Variants in UNC13C observed in about 807,000 individuals in gnomAD.
UNC13C encodes the protein protein unc-13 homolog C.
UNC13C carries 174 observed loss-of-function variants against 245.4 expected under a neutral mutation model. That is an observed-to-expected ratio of 0.71 (90% CI 0.63 to 0.80). The LOEUF (loss-of-function observed/expected upper bound fraction) is 0.80. Among genes scored for constraint, UNC13C ranks in the 30% least tolerant of loss-of-function variants. The pLI is 0.00. For synonymous variants in UNC13C, 992 were observed against 895.1 expected, an observed-to-expected ratio of 1.11 and a Z score of -1.93; for missense variants, 2,829 against 2,602.9, an observed-to-expected ratio of 1.09 and a Z score of -1.89.
the UNC13C span, among the ~76,000 whole-genome samples, chr15:53,965,307 T>C: frequency 6.6e-6 from 1 of 152,142 alleles, no homozygotes; most frequent in East Asian, 1.9e-4. Flanking sequence ...CGTATTAATT[T>C]CAAATCTCAT....
chr15:54,143,080 G>T, intron 3 of UNC13C, 40 bp downstream of exon 3: 2 of 1,581,430 alleles, frequency 1.3e-6, no homozygotes, highest in South Asian at 1.1e-5. Context: ...GAGGAATCTT[G>T]TCTTTTGTAC....
intron 24 of UNC13C, among the ~76,000 whole-genome samples, chr15:54,517,985 C>G (rs1331392333): frequency 6.6e-6 from 1 of 152,094 alleles, no homozygotes; most frequent in African/African-American, 2.4e-5. Flanking sequence ...TAAAAGCAAC[C>G]AGTTATAGCT....
intron 2 of UNC13C, among the ~76,000 whole-genome samples, chr15:54,098,780 T>C (rs1434181211): frequency 6.6e-6 from 1 of 152,204 alleles, no homozygotes; most frequent in African/African-American, 2.4e-5. Context: ...AAAGTCAGTG[T>C]TTTCTTTCTG....
intron 12 of UNC13C, 118 bp downstream of exon 12, chr15:54,298,044 A>C (rs2037481904): frequency 1.4e-6 from 1 of 695,864 alleles, no homozygotes; most frequent in South Asian, 1.9e-5. Flanking sequence ...TGGAGTTCTG[A>C]CTCTATACTA....
chr15:54,337,106 A>T (rs1284359363), intron 16 of UNC13C, among the ~76,000 whole-genome samples: 2 of 152,162 alleles, frequency 1.3e-5, no homozygotes, highest in Non-Finnish European at 2.9e-5. Context: ...TAATTTGTCA[A>T]CATCTCATGT....
intron 22 of UNC13C, among the ~76,000 whole-genome samples, chr15:54,504,945 T>C (rs1198969797): frequency 6.6e-6 from 1 of 152,208 alleles, no homozygotes; most frequent in African/African-American, 2.4e-5. Context: ...TACCTGTGTG[T>C]CAAATCAGAA....
chr15:54,142,952 T>C, intron 2 of UNC13C, 66 bp from the exon 3 acceptor site: 1 of 1,396,906 alleles, frequency 7.2e-7, no homozygotes, highest in South Asian at 1.2e-5. Flanking sequence ...CATGTATATG[T>C]TTAAACAATT....
chr15:54,206,764 T>A (rs1214648817), intron 4 of UNC13C, among the ~76,000 whole-genome samples: 1 of 152,102 alleles, frequency 6.6e-6, no homozygotes, highest in African/African-American at 2.4e-5. Flanking sequence ...TAAGAGTGAA[T>A]GTAAAGAGTC....
chr15:53,849,755 G>T, the UNC13C span, among the ~76,000 whole-genome samples: 1 of 152,004 alleles, frequency 6.6e-6, no homozygotes, highest in African/African-American at 2.4e-5. Context: ...TCATGGAAGG[G>T]CAACCCTTGT....
chr15:54,393,860 C>T (rs1175444611), intron 18 of UNC13C, among the ~76,000 whole-genome samples: 1 of 151,742 alleles, frequency 6.6e-6, no homozygotes, highest in African/African-American at 2.4e-5. Context: ...AGATCCAATC[C>T]AACTTTAATA....
chr15:54,301,693 G>A (rs2037587530), intron 13 of UNC13C, among the ~76,000 whole-genome samples: 1 of 152,118 alleles, frequency 6.6e-6, no homozygotes, highest in Admixed American at 6.5e-5. Flanking sequence ...TATCATTGAT[G>A]GGCATTTGGG....
At chr15:53,900,916 T>A in the UNC13C span, among the ~76,000 whole-genome samples, 3 of 151,930 alleles carry the variant, frequency 2.0e-5, no homozygotes, top group Non-Finnish European at 1.5e-5. Flanking sequence ...CGTACATTCA[T>A]TTTTTTTCCC....
intron 10 of UNC13C, among the ~76,000 whole-genome samples, chr15:54,275,419 C>A (rs1300506147): frequency 6.6e-6 from 1 of 151,712 alleles, no homozygotes; most frequent in East Asian, 1.9e-4. Flanking sequence ...GTTCTTTGTC[C>A]CCTAGTATTA....
chr15:53,903,744 C>T, the UNC13C span, among the ~76,000 whole-genome samples: 11,132 of 152,180 alleles, frequency 0.073, 502 homozygotes, highest in South Asian at 0.19. Flanking sequence ...GGTCGAAGGG[C>T]TGTGTTCAAG....
intron 17 of UNC13C, among the ~76,000 whole-genome samples, chr15:54,356,575 G>C (rs1230297075): frequency 6.6e-6 from 1 of 152,082 alleles, no homozygotes; most frequent in Non-Finnish European, 1.5e-5. Flanking sequence ...GTGACTTCTT[G>C]CTGAAACCTC....
At chr15:53,888,447 T>C in the UNC13C span, among the ~76,000 whole-genome samples, 1 of 152,220 alleles carries the variant, frequency 6.6e-6, no homozygotes, top group Non-Finnish European at 1.5e-5. Context: ...TTCTGGATAT[T>C]AGCCCTTTGT....
At position 54,494,607 on chromosome 15, in the gene UNC13C, G is replaced by T; in HGVS notation, c.4934-1G>T. Reference sequence around the variant, plus strand: ...TAAATATTTAATTTTATCTGTTATAGAACATGAAAATCAGCGGTTATGCAA... The same window carrying T: ...TAAATATTTAATTTTATCTGTTATATAACATGAAAATCAGCGGTTATGCAA... On this transcript the variant is annotated splice_acceptor_variant, in intron 19 of 32. Transcript: ENST00000260323. LOFTEE classifies it high-confidence loss of function. 1 of 1,605,330 alleles carries T rather than the reference G, an allele frequency of 6.2e-7. No individual in the cohort carries two copies. The highest frequency in any genetic ancestry group is 1.1e-5 in the South Asian group (1 of 89,096).
intron 8 of UNC13C, among the ~76,000 whole-genome samples, chr15:54,257,410 G>A (rs1447827108): frequency 6.6e-6 from 1 of 152,128 alleles, no homozygotes; most frequent in Non-Finnish European, 1.5e-5. Context: ...TCCTGATTTT[G>A]TATTTTCAAA....
the UNC13C span, among the ~76,000 whole-genome samples, chr15:53,909,107 A>C: frequency 6.8e-6 from 1 of 146,578 alleles, no homozygotes; most frequent in African/African-American, 2.4e-5. Flanking sequence ...TTTCCCTCCA[A>C]AGGCAGACTA....
Sources: allele counts gnomAD v4.1 joint callset (sites outside exome capture counted in the v4.1 genomes callset), GRCh38; gene constraint gnomAD v4.1.1; transcripts MANE v1.5; gene names NCBI Gene and HGNC (gene_info 2026-07-23, HGNC 2026-07-21).